The following COL6A5 variants were observed in gnomAD, a reference collection of about 807,000 sequenced individuals.
The protein encoded by COL6A5 is collagen type VI alpha 5 chain, also known as collagen alpha-5(VI) chain.
In COL6A5, 48 loss-of-function variants were observed where a neutral mutation model predicts 65.6. That is an observed-to-expected ratio of 0.73 (90% confidence interval 0.58 to 0.93). The LOEUF (loss-of-function observed/expected upper bound fraction) is 0.93, where lower values mean the gene tolerates loss of function less well. Ranked by LOEUF, COL6A5 falls within the 40% of genes least tolerant of loss-of-function variation. The pLI, the probability that COL6A5 is intolerant of heterozygous loss-of-function variation, is 0.00. For missense variants in COL6A5, 914 were observed against 928.3 expected (o/e 0.98, Z 0.20); for synonymous variants, 291 against 322.8 (o/e 0.90, Z 1.05).
intron 4 of COL6A5, among the ~76,000 whole-genome samples, chr3:130,448,760 A>C (rs1010002824): frequency 1.4e-4 from 21 of 152,326 alleles, no homozygotes; most frequent in African/African-American, 5.1e-4. Context: ...TTGTAAGGCT[A>C]TTTAGCATTC....
At chr3:130,353,324 T>C (rs1170206828) in intron 1 of COL6A5, among the ~76,000 whole-genome samples, 1 of 152,162 alleles carries the variant, frequency 6.6e-6, no homozygotes, top group African/African-American at 2.4e-5. Flanking sequence ...AAAGCACCAG[T>C]ACGGGTCTGA....
At chr3:130,403,638 A>T (rs1046838527) in exon 13 of COL6A5, 5 of 1,551,068 alleles carry the variant, frequency 3.2e-6, no homozygotes, top group African/African-American at 1.4e-5. Flanking sequence ...GCAGCAGAGG[A>T]CACAGGGGAG....
At chr3:130,460,717 T>C (rs1156318754) in intron 5 of COL6A5, among the ~76,000 whole-genome samples, 2 of 151,828 alleles carry the variant, frequency 1.3e-5, no homozygotes, top group African/African-American at 2.4e-5. Context: ...CTGATGGTTG[T>C]GGTTGAGGTG....
chr3:130,348,738 A>T (rs931914708), intron 1 of COL6A5, among the ~76,000 whole-genome samples: 8 of 152,196 alleles, frequency 5.3e-5, no homozygotes, highest in African/African-American at 1.9e-4. Flanking sequence ...TACTCCCACC[A>T]ACAGTGTAAA....
At chr3:130,405,910 A>G (rs1936972140) in intron 14 of COL6A5, 83 bp from the exon 15 acceptor site, 1 of 1,331,282 alleles carries the variant, frequency 7.5e-7, no homozygotes, top group Non-Finnish European at 1.1e-6. Context: ...AAAGAAATAC[A>G]TGCTCACTCA....
intron 9 of COL6A5, 46 bp from the exon 10 acceptor site, chr3:130,397,984 A>G (rs1315184025): frequency 2.6e-6 from 4 of 1,543,856 alleles, no homozygotes; most frequent in African/African-American, 2.7e-5. Flanking sequence ...TCATTCCCCA[A>G]TTATATATTT....
intron 8 of COL6A5, among the ~76,000 whole-genome samples, chr3:130,396,679 G>A (rs1383179171): frequency 6.6e-6 from 1 of 152,134 alleles, no homozygotes; most frequent in Middle Eastern, 3.2e-3. Context: ...TTTCCACATA[G>A]CTACTCTCAG....
rs1240958871 is a variant in COL6A5, at chr3:130,455,657, C to G, written c.1537C>G (p.Leu513Val). The G allele has an allele frequency of 1.3e-5, 21 of 1,609,296 alleles. No individual in the cohort carries two copies. Among genetic ancestry groups the G allele is most frequent in the Non-Finnish European group, 1.8e-5 (21 of 1,176,356 alleles). The change falls in exon 5 of 8, where the codon CTC (leucine) becomes GTC (valine). Residue 513 changes from leucine to valine, a missense_variant. Coordinates refer to ENST00000512836, the Ensembl canonical transcript of COL6A5. The stretch of plus-strand genomic sequence containing the variant: ...TCAAAAATCTGCAGAAATTGCAAGT[C>G]TCACTTCTGGTAAGAAAATGAAAAG...
intron 22 of COL6A5, 102 bp downstream of exon 22, chr3:130,414,233 C>A: frequency 1.1e-6 from 1 of 931,662 alleles, no homozygotes; most frequent in South Asian, 1.5e-5. Flanking sequence ...GAGAATCTGC[C>A]CCCTGCCCTA....
chr3:130,358,813 A>C (rs1410823420), intron 1 of COL6A5, among the ~76,000 whole-genome samples: 2 of 152,198 alleles, frequency 1.3e-5, no homozygotes, highest in East Asian at 3.9e-4. Flanking sequence ...TTGACCCCAA[A>C]TTTCCATTCC....
chr3:130,417,046 C>T (rs776508945), intron 24 of COL6A5, among the ~76,000 whole-genome samples: 2 of 151,840 alleles, frequency 1.3e-5, no homozygotes, highest in Non-Finnish European at 2.9e-5. Flanking sequence ...TTAAGCCCCG[C>T]ATGCATTAGG....
At chr3:130,367,578 G>A (rs952463669) in intron 1 of COL6A5, among the ~76,000 whole-genome samples, 2 of 152,190 alleles carry the variant, frequency 1.3e-5, no homozygotes, top group African/African-American at 4.8e-5. Context: ...AGGTGGACAT[G>A]TAGGCAACCA....
intron 17 of COL6A5, among the ~76,000 whole-genome samples, chr3:130,407,664 C>G (rs1186756674): frequency 6.6e-6 from 1 of 152,174 alleles, no homozygotes; most frequent in Non-Finnish European, 1.5e-5. Context: ...CATTCTGCAC[C>G]TTAGGTGCCT....
rs1167162062 is a variant in COL6A5, at chr3:130,433,967, A to C, written c.487+2018A>C. ...ACCTTTTTTTTTATTTCTTCTAAAA[A>C]AAAAAACAAAAACAAAAAAAACAGG... On this transcript the variant is annotated intron_variant, in intron 1 of 7. Transcript: ENST00000512836. 7.5e-5 allele frequency among the ~76,000 whole-genome samples: 11 copies of C among 147,482 alleles called. No individual in the cohort carries two copies. In the East Asian group the frequency reaches 2.4e-3, roughly 32 times the overall value.
chr3:130,440,654 T>C (rs1275021819), exon 3 of COL6A5: 1 of 1,613,434 alleles, frequency 6.2e-7, no homozygotes, highest in African/African-American at 1.3e-5. Flanking sequence ...GAGGGCTAAG[T>C]GTCAAGGCTA....
At chr3:130,403,040 C>A (rs1577473169) in intron 12 of COL6A5, among the ~76,000 whole-genome samples, 1 of 152,106 alleles carries the variant, frequency 6.6e-6, no homozygotes, top group Non-Finnish European at 1.5e-5. Flanking sequence ...AGAAGCACAA[C>A]CCCCCTGGTA....
At chr3:130,472,602 C>T in intron 7 of COL6A5, among the ~76,000 whole-genome samples, 1 of 151,752 alleles carries the variant, frequency 6.6e-6, no homozygotes, top group East Asian at 1.9e-4. Context: ...ATATGTATAT[C>T]CAGTGACCCA....
intron 1 of COL6A5, among the ~76,000 whole-genome samples, chr3:130,351,955 C>T (rs899299914): frequency 6.6e-6 from 1 of 152,164 alleles, no homozygotes; most frequent in African/African-American, 2.4e-5. Flanking sequence ...GGCACATATA[C>T]ACCATGGAAT....
chr3:130,385,388 A>G, intron 5 of COL6A5, 24 bp downstream of exon 5: 1 of 1,537,044 alleles, frequency 6.5e-7, no homozygotes. Context: ...AAAAGGCTTT[A>G]TTCTCCACAT....
Sources: gnomAD v4.1 joint callset for allele counts (sites outside exome capture counted in the v4.1 genomes callset) on GRCh38, gnomAD v4.1.1 for gene constraint, MANE v1.5 for transcripts, NCBI Gene and HGNC (gene_info 2026-07-23, HGNC 2026-07-21) for gene names.